ATAD2B: variants seen among roughly 807,000 people sequenced by gnomAD.
ATAD2B encodes the protein ATPase family AAA domain containing 2B, also known as ATPase family AAA domain-containing protein 2B.
Under a neutral mutation model 167.6 loss-of-function variants are expected in ATAD2B, and 40 were observed. The ratio of observed to expected loss-of-function variants is 0.24; its 90% CI spans 0.19 to 0.31. ATAD2B has a LOEUF of 0.31. ATAD2B is among the 10% of genes least tolerant of loss of function. The pLI is 1.00. For synonymous variants in ATAD2B, 579 were observed against 596.5 expected (o/e 0.97, Z 0.43); for missense variants, 1,242 against 1,757.2 (o/e 0.71, Z 5.24).
At chr2:23,719,981 T>C in the ATAD2B span, among the ~76,000 whole-genome samples, 1 of 152,238 alleles carries the variant, frequency 6.6e-6, no homozygotes, top group East Asian at 1.9e-4. Flanking sequence ...TTCCCACACG[T>C]TCTGGATATC....
At chr2:23,915,845 C>T (rs770698064) in intron 1 of ATAD2B, among the ~76,000 whole-genome samples, 2 of 152,102 alleles carry the variant, frequency 1.3e-5, no homozygotes, top group Non-Finnish European at 2.9e-5. Context: ...CCTGCCTCAG[C>T]CTCCCAAAGT....
At chr2:23,830,188 T>C (rs1164517644) in intron 14 of ATAD2B, among the ~76,000 whole-genome samples, 1 of 152,138 alleles carries the variant, frequency 6.6e-6, no homozygotes, top group Non-Finnish European at 1.5e-5. Flanking sequence ...TTCACCATGT[T>C]GGCCAGGCTG....
At chr2:23,819,353 T>C (rs1046334886) in intron 17 of ATAD2B, among the ~76,000 whole-genome samples, 1 of 151,966 alleles carries the variant, frequency 6.6e-6, no homozygotes, top group Non-Finnish European at 1.5e-5. Context: ...TAGCTGGGCG[T>C]GGTAGCGCAC....
At chr2:23,844,855 T>A (rs1264100112) in intron 13 of ATAD2B, among the ~76,000 whole-genome samples, 1 of 151,536 alleles carries the variant, frequency 6.6e-6, no homozygotes, top group Non-Finnish European at 1.5e-5. Context: ...TTTTACAAGT[T>A]TGATGAAAAA....
At chr2:23,799,267 T>C (rs755667555) in intron 18 of ATAD2B, among the ~76,000 whole-genome samples, 3 of 152,126 alleles carry the variant, frequency 2.0e-5, no homozygotes, top group South Asian at 2.1e-4. Context: ...CTATGTAATA[T>C]ACAAGATATA....
chr2:23,841,783 T>A (rs1690955203), intron 13 of ATAD2B, among the ~76,000 whole-genome samples: 1 of 152,212 alleles, frequency 6.6e-6, no homozygotes, highest in South Asian at 2.1e-4. Context: ...CCCAAACTGC[T>A]GGAATTACAA....
At chr2:23,765,925 T>A (rs1312150256) in intron 22 of ATAD2B, among the ~76,000 whole-genome samples, 1 of 152,180 alleles carries the variant, frequency 6.6e-6, no homozygotes, top group Non-Finnish European at 1.5e-5. Context: ...AACAGAAATA[T>A]GTGATTTTCA....
At chr2:23,856,569 A>G (rs1186638320) in intron 13 of ATAD2B, 6 of 199,278 alleles carry the variant, frequency 3.0e-5, no homozygotes, top group South Asian at 1.5e-4. Context: ...ATTAGCATAC[A>G]TGACATCGAG....
At chr2:23,858,022 TG>T in intron 12 of ATAD2B, among the ~76,000 whole-genome samples, 1 of 150,448 alleles carries the variant, frequency 6.6e-6, no homozygotes, top group East Asian at 2.0e-4. Context: ...GGATTACAGG[TG>T]TGAGCCACCA....
the ATAD2B span, among the ~76,000 whole-genome samples, chr2:23,706,266 C>G: frequency 4.6e-5 from 7 of 152,148 alleles, no homozygotes; most frequent in Non-Finnish European, 1.0e-4. Context: ...TTCTGCCGCT[C>G]GCAGGGTGGC....
intron 13 of ATAD2B, among the ~76,000 whole-genome samples, chr2:23,838,080 C>T (rs1182211389): frequency 2.0e-5 from 3 of 152,118 alleles, no homozygotes; most frequent in African/African-American, 7.2e-5. Context: ...ATTCTCCTTC[C>T]CAAACACACT....
At chr2:23,897,824 T>C (rs1330462356) in intron 1 of ATAD2B, among the ~76,000 whole-genome samples, 1 of 152,202 alleles carries the variant, frequency 6.6e-6, no homozygotes, top group East Asian at 1.9e-4. Flanking sequence ...CCTTGGTTCC[T>C]CTTAGTCAAT....
chr2:23,867,781 GA>G lies in ATAD2B; in HGVS notation c.1188+53del, dbSNP rs1558690183. On this transcript the variant is annotated intron_variant, in intron 10 of 27. Transcript: ENST00000238789. ...CTACTATGTGCTGCTTTAGAAACAA[GA>G]AAAAAACTTTTAAAAAAAAGAAAAC... The G allele has an allele frequency of 3.0e-5, 39 of 1,305,384 alleles. No individual in the cohort carries two copies. The South Asian group carries it at 4.5e-4, about 15-fold the overall frequency. The allele number at this position is 1,305,384 out of a possible 1,614,324, so 80.9% of individuals were successfully genotyped here.
At chr2:23,865,202 A>G (rs1043466980) in intron 10 of ATAD2B, among the ~76,000 whole-genome samples, 1 of 152,086 alleles carries the variant, frequency 6.6e-6, no homozygotes, top group African/African-American at 2.4e-5. Flanking sequence ...AGATTTTTAT[A>G]TTATACTAAC....
At position 23,749,944 on chromosome 2, in the gene ATAD2B, T is replaced by C. The variant is rs1218307637; in HGVS notation, c.*2102A>G. On this transcript the variant is annotated 3_prime_UTR_variant, in exon 28 of 28. Transcript: ENST00000238789. ...ACTGGAATAAATATTTAAAAAAAAA[T>C]AGTGCAGCAAGAACCTGAGACTTGC... is the stretch of plus-strand genomic sequence containing the variant. 6.6e-6 allele frequency: 1 copy of C among 151,712 alleles called. No individual in the cohort carries two copies. Among genetic ancestry groups the C allele is most frequent in the South Asian group, 2.1e-4 (1 of 4,818 alleles). The allele number at this position is 151,712 out of a possible 1,614,324, so 9.4% of individuals were successfully genotyped here. A position where few individuals can be genotyped will look rare whatever the true frequency, so the allele number is the denominator to read the frequency against.
At chr2:23,891,439 G>C (rs951511829) in intron 2 of ATAD2B, among the ~76,000 whole-genome samples, 2 of 151,964 alleles carry the variant, frequency 1.3e-5, no homozygotes, top group Non-Finnish European at 2.9e-5. Context: ...TTTTTGAAAA[G>C]AAGGAAGGTG....
chr2:23,921,131 G>A (rs578255976), intron 1 of ATAD2B, among the ~76,000 whole-genome samples: 7 of 147,632 alleles, frequency 4.7e-5, no homozygotes, highest in South Asian at 4.3e-4. Flanking sequence ...GCTTGAACCT[G>A]GGAAGCGGAG....
chr2:23,736,388 T>C, the ATAD2B span, among the ~76,000 whole-genome samples: 3 of 152,100 alleles, frequency 2.0e-5, no homozygotes, highest in South Asian at 6.2e-4. Context: ...TTACCAAATA[T>C]TTGAGGAAAA....
chr2:23,782,743 G>C (rs1680249833), intron 22 of ATAD2B, 126 bp downstream of exon 22: 1 of 662,566 alleles, frequency 1.5e-6, no homozygotes, highest in Non-Finnish European at 2.4e-6. Context: ...GCTTCTTATT[G>C]AGAAGTTTTG....
Sources: allele counts gnomAD v4.1 joint callset (sites outside exome capture counted in the v4.1 genomes callset), GRCh38; gene constraint gnomAD v4.1.1; transcripts MANE v1.5; gene names NCBI Gene and HGNC (gene_info 2026-07-23, HGNC 2026-07-21).